STX8: variants seen among roughly 807,000 people sequenced by gnomAD.
The protein encoded by STX8 is syntaxin-8.
A neutral mutation model predicts 37.5 loss-of-function variants in STX8; 23 were observed. The ratio of observed to expected loss-of-function variants is 0.61; its 90% CI spans 0.44 to 0.87. The LOEUF (loss-of-function observed/expected upper bound fraction) is 0.87. Among genes scored for constraint, STX8 ranks in the 40% least tolerant of loss-of-function variants. STX8 has a pLI of 0.00. For missense variants in STX8, 313 were observed against 284.7 expected, an observed-to-expected ratio of 1.10 and a Z score of -0.71; for synonymous variants, 115 against 99.1, an observed-to-expected ratio of 1.16 and a Z score of -0.95.
At chr17:9,463,797 A>G (rs1413989848) in intron 6 of STX8, among the ~76,000 whole-genome samples, 1 of 151,882 alleles carries the variant, frequency 6.6e-6, no homozygotes, top group Non-Finnish European at 1.5e-5. Context: ...AATCCCAACT[A>G]CTTGGGAGGC....
chr17:9,528,860 A>G (rs894586970), intron 4 of STX8, among the ~76,000 whole-genome samples: 1 of 152,220 alleles, frequency 6.6e-6, no homozygotes, highest in Non-Finnish European at 1.5e-5. Flanking sequence ...AAAATCATGC[A>G]TATTTTTCCA....
chr17:9,423,897 A>T (rs1913531303), intron 6 of STX8, among the ~76,000 whole-genome samples: 1 of 152,190 alleles, frequency 6.6e-6, no homozygotes, highest in South Asian at 2.1e-4. Flanking sequence ...ACTGAGAAGC[A>T]TACCACATCT....
chr17:9,539,639 C>T (rs967267997), intron 4 of STX8, among the ~76,000 whole-genome samples: 8 of 151,358 alleles, frequency 5.3e-5, no homozygotes, highest in African/African-American at 1.7e-4. Flanking sequence ...CCTCCACTCA[C>T]AAAGTGACAA....
chr17:9,295,698 G>A lies in STX8; in HGVS notation c.644-45053C>T, dbSNP rs1275373454. On this transcript the variant is annotated intron_variant, in intron 7 of 7. Transcript: ENST00000306357. ...GCAGAGGTTGCAGTGAGCCAAGATC[G>A]CGCCACCGCACTCCAGCGTGACGAC... Among the ~76,000 whole-genome samples the A allele has an allele frequency of 5.9e-5, 9 of 151,888 alleles. No homozygotes were observed. In the South Asian group the frequency reaches 6.2e-4, roughly 11 times the overall value.
At chr17:9,529,674 G>A (rs968407565) in intron 4 of STX8, among the ~76,000 whole-genome samples, 1 of 152,202 alleles carries the variant, frequency 6.6e-6, no homozygotes, top group African/African-American at 2.4e-5. Flanking sequence ...AAACTCTTCT[G>A]TCTGACATGA....
intron 6 of STX8, among the ~76,000 whole-genome samples, chr17:9,459,644 T>C (rs547246749): frequency 2.2e-4 from 34 of 152,222 alleles, no homozygotes; most frequent in African/African-American, 8.2e-4. Flanking sequence ...ACCTCCCGAG[T>C]AGCTGGGACT....
chr17:9,455,676 G>A (rs1414805903), intron 6 of STX8, among the ~76,000 whole-genome samples: 1 of 152,122 alleles, frequency 6.6e-6, no homozygotes, highest in Non-Finnish European at 1.5e-5. Flanking sequence ...AAAACAGTAA[G>A]ATTTTGACTA....
intron 7 of STX8, among the ~76,000 whole-genome samples, chr17:9,277,285 G>C (rs1367807889): frequency 6.6e-6 from 1 of 152,158 alleles, no homozygotes; most frequent in African/African-American, 2.4e-5. Context: ...CAAATGAGAG[G>C]ACCTGAAGTT....
chr17:9,385,118 C>T (rs900268145), intron 6 of STX8, among the ~76,000 whole-genome samples: 5 of 151,960 alleles, frequency 3.3e-5, no homozygotes, highest in Non-Finnish European at 7.4e-5. Context: ...AGAGATTGGT[C>T]AATCTGATTT....
intron 7 of STX8, among the ~76,000 whole-genome samples, chr17:9,352,515 G>A (rs1198326488): frequency 1.6e-4 from 24 of 146,282 alleles, no homozygotes; most frequent in Non-Finnish European, 2.9e-4. Flanking sequence ...TGGCCCAGGC[G>A]GGAGTGCAGT....
chr17:9,498,157 G>A (rs1904474446), intron 5 of STX8, among the ~76,000 whole-genome samples: 2 of 7,368 alleles, frequency 2.7e-4, no homozygotes, highest in African/African-American at 3.4e-4. Flanking sequence ...GGAGCCTGAG[G>A]TGGGGGGGGA....
intron 7 of STX8, among the ~76,000 whole-genome samples, chr17:9,283,931 G>A (rs932168371): frequency 1.3e-5 from 2 of 152,206 alleles, no homozygotes; most frequent in African/African-American, 2.4e-5. Context: ...CTGTTTTACT[G>A]TGGTGTATTT....
intron 7 of STX8, among the ~76,000 whole-genome samples, chr17:9,310,244 A>G (rs1909144324): frequency 6.6e-6 from 1 of 152,220 alleles, no homozygotes; most frequent in South Asian, 2.1e-4. Flanking sequence ...TGTTAGTATC[A>G]GCGTTGACTT....
chr17:9,416,463 A>G (rs1449552055), intron 6 of STX8, among the ~76,000 whole-genome samples: 2 of 152,018 alleles, frequency 1.3e-5, no homozygotes, highest in African/African-American at 4.8e-5. Context: ...TCCACCTCCC[A>G]GGTTCAAGCA....
intron 6 of STX8, among the ~76,000 whole-genome samples, chr17:9,453,783 G>A (rs553566507): frequency 1.1e-4 from 16 of 152,238 alleles, no homozygotes; most frequent in Admixed American, 2.6e-4. Context: ...GTGAGCCACC[G>A]TACCTGGCTA....
intron 3 of STX8, among the ~76,000 whole-genome samples, chr17:9,547,781 TC>T (rs377525565): frequency 0.032 from 3,907 of 123,602 alleles, 178 homozygotes; most frequent in African/African-American, 0.12. Context: ...TCTTTTCTTT[TC>T]TTTTTTTTTT....
intron 6 of STX8, among the ~76,000 whole-genome samples, chr17:9,428,212 T>C (rs1244439477): frequency 6.6e-6 from 1 of 152,178 alleles, no homozygotes; most frequent in Non-Finnish European, 1.5e-5. Context: ...GTCTTTTGTA[T>C]TCTACTTAGT....
intron 7 of STX8, among the ~76,000 whole-genome samples, chr17:9,257,987 TAAAACA>T (rs940081955): frequency 6.6e-6 from 1 of 152,230 alleles, no homozygotes; most frequent in African/African-American, 2.4e-5. Flanking sequence ...AGATTTTGTT[TAAAACA>T]AAAACAAAAA....
At chr17:9,445,457 G>C (rs1904805558) in intron 6 of STX8, among the ~76,000 whole-genome samples, 2 of 132,162 alleles carry the variant, frequency 1.5e-5, no homozygotes, top group African/African-American at 2.8e-5. Flanking sequence ...CATGCCCCTG[G>C]GTTTCTTTTA....
Sources: allele counts gnomAD v4.1 joint callset (sites outside exome capture counted in the v4.1 genomes callset), GRCh38; gene constraint gnomAD v4.1.1; transcripts MANE v1.5; gene names NCBI Gene and HGNC (gene_info 2026-07-23, HGNC 2026-07-21).